Variants in CHODL observed in about 807,000 individuals in gnomAD.
The protein encoded by CHODL is chondrolectin.
A neutral mutation model predicts 34.5 loss-of-function variants in CHODL; 29 were observed. That is an observed-to-expected ratio of 0.84 (90% CI 0.63 to 1.15). The LOEUF (loss-of-function observed/expected upper bound fraction) is 1.15, where lower values mean the gene tolerates loss of function less well. Ranked by LOEUF, CHODL falls within the 50% of genes most tolerant of loss-of-function variation. The pLI is 0.00. For synonymous variants in CHODL, 125 were observed against 116.1 expected, an observed-to-expected ratio of 1.08 and a Z score of -0.49; for missense variants, 332 against 332.5, an observed-to-expected ratio of 1.00 and a Z score of 0.01.
At chr21:18,186,088 G>A (rs2073437879) in intron 2 of CHODL, among the ~76,000 whole-genome samples, 1 of 152,142 alleles carries the variant, frequency 6.6e-6, no homozygotes, top group African/African-American at 2.4e-5. Flanking sequence ...TGTAACTAAA[G>A]GTTGACACAA....
intron 1 of CHODL, among the ~76,000 whole-genome samples, chr21:18,009,403 G>A (rs1175956224): frequency 6.6e-6 from 1 of 152,082 alleles, no homozygotes; most frequent in African/African-American, 2.4e-5. Context: ...TTGAAGAATG[G>A]TTAATATATG....
intron 1 of CHODL, among the ~76,000 whole-genome samples, chr21:17,930,541 G>T (rs1382694669): frequency 2.0e-5 from 3 of 152,268 alleles, no homozygotes; most frequent in African/African-American, 7.2e-5. Context: ...TCTGCCAGCA[G>T]CCTGGGGGCC....
intron 1 of CHODL, among the ~76,000 whole-genome samples, chr21:18,246,865 C>A (rs2074148072): frequency 6.6e-6 from 1 of 152,008 alleles, no homozygotes; most frequent in Non-Finnish European, 1.5e-5. Flanking sequence ...TTTTCCAAAT[C>A]TTTTGTTAGG....
At chr21:18,111,369 A>C (rs1043922389) in intron 2 of CHODL, among the ~76,000 whole-genome samples, 16 of 152,182 alleles carry the variant, frequency 1.1e-4, no homozygotes, top group Admixed American at 2.0e-4. Flanking sequence ...TATATTATTC[A>C]GGGGTTACCA....
At position 17,918,352 on chromosome 21, in the gene CHODL, C is replaced by G. The variant is rs188854962; in HGVS notation, c.-145+952C>G. On this transcript the variant is annotated intron_variant, in intron 1 of 6. Coordinates refer to the CHODL transcript ENST00000400127. ...CTGATAAAGACATGTGTGAGACTGG[C>G]CAATTTACAAAAGAAAGAGATTTAA... Among the ~76,000 whole-genome samples, 1,211 of 152,022 alleles carry G rather than the reference C, an allele frequency of 8.0e-3. 19 individuals carry two copies. Among genetic ancestry groups the G allele is most frequent in the African/African-American group, 0.027 (1,116 of 41,408 alleles).
At chr21:18,151,216 G>A (rs931567576) in intron 2 of CHODL, among the ~76,000 whole-genome samples, 2 of 151,834 alleles carry the variant, frequency 1.3e-5, no homozygotes, top group African/African-American at 4.8e-5. Context: ...AGGCCAAGAA[G>A]AATCTGAACA....
intron 2 of CHODL, among the ~76,000 whole-genome samples, chr21:18,208,394 C>T (rs996048126): frequency 1.3e-5 from 2 of 152,066 alleles, no homozygotes; most frequent in African/African-American, 4.8e-5. Flanking sequence ...TCTGTGTTAT[C>T]TTTAATTTCA....
intron 1 of CHODL, among the ~76,000 whole-genome samples, chr21:17,918,612 A>G (rs2063159693): frequency 6.6e-6 from 1 of 152,184 alleles, no homozygotes; most frequent in African/African-American, 2.4e-5. Flanking sequence ...TTGCAATTTA[A>G]GATGAGATAT....
chr21:18,193,721 AAAT>A lies in CHODL; in HGVS notation c.-44-62785_-44-62783del, dbSNP rs1397278884. The stretch of plus-strand genomic sequence containing the variant: ...AGAAAAAAAAAAAAATAAAATAAAT[AAAT>A]AAATAAATAAATAAATAAATAAAAA... On this transcript the variant is annotated intron_variant, in intron 2 of 6. Transcript: ENST00000400127. Among the ~76,000 whole-genome samples the A allele has an allele frequency of 1.3e-4, 19 of 145,938 alleles. No homozygotes were observed. In the East Asian group the frequency reaches 3.8e-3, roughly 29 times the overall value.
intron 2 of CHODL, among the ~76,000 whole-genome samples, chr21:18,147,819 T>G (rs955418452): frequency 6.6e-6 from 1 of 152,234 alleles, no homozygotes; most frequent in African/African-American, 2.4e-5. Flanking sequence ...AATCCAGTTT[T>G]GCTCAGCTAG....
chr21:18,094,032 A>G lies in CHODL; in HGVS notation c.-45+66061A>G, dbSNP rs191735541. ...CTGAAAATAAAGACATGGAAAAAAG[A>G]TATTCTATTCCAATGGAAACAAAAA... On this transcript the variant is annotated intron_variant, in intron 2 of 6. Transcript: ENST00000400127. Among the ~76,000 whole-genome samples, 493 of 152,292 alleles carry G rather than the reference A, an allele frequency of 3.2e-3. 7 individuals are homozygous for G. The Middle Eastern group carries it at 0.075, about 23-fold the overall frequency.
upstream of CHODL, among the ~76,000 whole-genome samples, chr21:18,243,091 C>T (rs758265713): frequency 1.8e-4 from 28 of 152,174 alleles, no homozygotes; most frequent in Non-Finnish European, 3.7e-4. Context: ...TGGGTATCAC[C>T]ACCATCAACC....
chr21:18,001,837 A>AG (rs1285003243), intron 1 of CHODL, among the ~76,000 whole-genome samples: 22 of 151,584 alleles, frequency 1.5e-4, no homozygotes, highest in Non-Finnish European at 2.4e-4. Context: ...TGTCGTCACA[A>AG]AAGAAAAGCC....
intron 1 of CHODL, among the ~76,000 whole-genome samples, chr21:18,005,275 C>T (rs1293346035): frequency 2.0e-5 from 3 of 152,082 alleles, no homozygotes; most frequent in African/African-American, 7.2e-5. Flanking sequence ...ATATTCTTAC[C>T]TATAATTCAT....
At chr21:18,172,257 C>T (rs1336558671) in intron 2 of CHODL, among the ~76,000 whole-genome samples, 1 of 152,040 alleles carries the variant, frequency 6.6e-6, no homozygotes, top group Non-Finnish European at 1.5e-5. Flanking sequence ...TTCTGACAAA[C>T]CTTAGGAAAA....
Position 18,145,435 on chromosome 21 carries a change from C to CAAAAAAA in CHODL, c.-44-111058_-44-111052dup, listed in dbSNP as rs10671177. On this transcript the variant is annotated intron_variant, in intron 2 of 6. Coordinates refer to the CHODL transcript ENST00000400127. ...CTAGGGGACGAGTGAGACTACCTTT[C>CAAAAAAA]AAAAAAAAAAAAAAAAAAAAAAGCG... is the stretch of plus-strand genomic sequence containing the variant. 2.1e-4 allele frequency among the ~76,000 whole-genome samples: 13 copies of CAAAAAAA among 60,882 alleles called. 6 individuals are homozygous for CAAAAAAA. Among genetic ancestry groups the CAAAAAAA allele is most frequent in the African/African-American group, 2.1e-4 (4 of 18,940 alleles). 39.9% of individuals were successfully genotyped at this position (60,882 alleles called of 152,430 possible). A position where few individuals can be genotyped will look rare whatever the true frequency, so the allele number is the denominator to read the frequency against.
At chr21:17,987,305 A>G (rs1421831914) in intron 1 of CHODL, among the ~76,000 whole-genome samples, 5 of 152,180 alleles carry the variant, frequency 3.3e-5, no homozygotes, top group African/African-American at 1.2e-4. Context: ...GACATATAGA[A>G]ACAAATATCC....
At chr21:18,066,906 C>A (rs1430755838) in intron 2 of CHODL, among the ~76,000 whole-genome samples, 3 of 152,052 alleles carry the variant, frequency 2.0e-5, no homozygotes, top group Non-Finnish European at 4.4e-5. Flanking sequence ...CACCTACAAG[C>A]AAGGAGAGAG....
At chr21:18,167,308 G>GCTTT (rs2073169597) in intron 2 of CHODL, among the ~76,000 whole-genome samples, 1 of 113,218 alleles carries the variant, frequency 8.8e-6, no homozygotes, top group Non-Finnish European at 1.7e-5. Flanking sequence ...TTTCTATTAA[G>GCTTT]ATTTTTTTTT....
Sources: allele counts gnomAD v4.1 joint callset (sites outside exome capture counted in the v4.1 genomes callset), GRCh38; gene constraint gnomAD v4.1.1; transcripts MANE v1.5; gene names NCBI Gene and HGNC (gene_info 2026-07-23, HGNC 2026-07-21).